The following ZMYND15 variants were observed in gnomAD, a reference collection of about 807,000 sequenced individuals.
ZMYND15 encodes the protein zinc finger MYND-type containing 15.
A neutral mutation model predicts 81.7 loss-of-function variants in ZMYND15; 54 were observed. The observed-to-expected ratio is 0.66, with a 90% CI of 0.53 to 0.83. The LOEUF is 0.83. ZMYND15 is among the 40% of genes least tolerant of loss of function. The pLI is 0.00. For synonymous variants in ZMYND15, 399 were observed against 387.0 expected (o/e 1.03, Z -0.36); for missense variants, 925 against 973.5 (o/e 0.95, Z 0.66).
rs143444568 is a variant in ZMYND15 at position 4,740,670 on chromosome 17, G to A, written c.122G>A (p.Arg41Gln). ...AVGTSLEGRC[R>Q]QLEAQIRRLP... ...GGGACTAGCCTTGAGGGCCGCTGCC[G>A]GCAGCTGGAGGCCCAGATCAGAAGG... is the stretch of plus-strand genomic sequence containing the variant. The change falls in exon 2 of 14, where the codon CGG (arginine) becomes CAG (glutamine). Residue 41 changes from arginine (R) to glutamine (Q), a missense_variant. Physicochemically the swap from Arg to Gln is conservative, Grantham distance 43. Coordinates refer to ENST00000433935, the MANE Select transcript of ZMYND15 (RefSeq NM_001136046.3). 5.6e-6 allele frequency: 9 copies of A among 1,614,048 alleles called. No homozygotes were observed. Among genetic ancestry groups the A allele is most frequent in the Middle Eastern group, 1.6e-4 (1 of 6,084 alleles).
chr17:4,741,726 C>G lies in ZMYND15; in HGVS notation c.737C>G (p.Ala246Gly). Residue 246 changes from alanine to glycine, a missense_variant, in exon 3 of 14, where the codon GCT (alanine) becomes GGT (glycine). By Grantham distance (60) the Ala-to-Gly change is moderately conservative. Coordinates refer to ENST00000433935, the MANE Select transcript of ZMYND15 (RefSeq NM_001136046.3). Reference protein sequence around the residue: ...GTKDLAPWAYALLCHSMACPM... With the variant: ...GTKDLAPWAYGLLCHSMACPM... The stretch of plus-strand genomic sequence containing the variant: ...AAGGACCTGGCTCCTTGGGCCTATG[C>G]TCTCCTCTGTCACAGCATGGCCTGT... 3 of 1,612,680 alleles carry G rather than the reference C, an allele frequency of 1.9e-6. No individual in the cohort carries two copies. The highest frequency in any genetic ancestry group is 2.5e-6 in the Non-Finnish European group (3 of 1,179,142).
Position 4,740,913 on chromosome 17 carries a change from A to T in ZMYND15, c.365A>T (p.Asp122Val). 1 of 1,582,608 alleles carries T rather than the reference A, an allele frequency of 6.3e-7. No homozygotes were observed. ...GEEGEEEEEE[D>V]EEEEKREDGG... ...GAAGGGGAGGAGGAAGAGGAGGAAG[A>T]TGAAGAAGAAGAGAAGAGAGAGGAC... is the stretch of plus-strand genomic sequence containing the variant. Residue 122 changes from aspartate to valine, a missense_variant, in exon 2 of 14, where the codon GAT becomes GTT. Physicochemically the swap from Asp to Val is radical, Grantham distance 152. Transcript: ENST00000433935.
In ZMYND15 at chr17:4,740,407, G is replaced by C; in HGVS notation, c.-30-112G>C. ...TCTTCTCCGCTCCTAGCATATCCAC[G>C]GATCCAACCCTAAGTGACTCTCAAA... is the stretch of plus-strand genomic sequence containing the variant. On this transcript the variant is annotated intron_variant, in intron 1 of 13. Transcript: ENST00000433935. The C allele has an allele frequency of 1.5e-6, 2 of 1,364,364 alleles. 1 individual carries two copies. The highest frequency in any genetic ancestry group is 5.5e-5 in the East Asian group (2 of 36,680). The allele number at this position is 1,364,364 out of a possible 1,614,324, so 84.5% of individuals were successfully genotyped here.
Position 4,741,783 on chromosome 17 carries a change from G to A in ZMYND15, c.794G>A (p.Arg265Gln), listed in dbSNP as rs140331305. ...PMGSGDPRKP[R>Q]QLTVGDARLH... ...GGCTCTGGGGATCCCCGAAAGCCCCGACAGCTTACTGTGGGAGATGCCCGG... is the reference window on the plus strand; with the variant it reads ...GGCTCTGGGGATCCCCGAAAGCCCCAACAGCTTACTGTGGGAGATGCCCGG... The change falls in exon 3 of 14, where the codon CGA (arginine) becomes CAA (glutamine). Residue 265 changes from arginine to glutamine, a missense_variant. Transcript: ENST00000433935. The A allele has an allele frequency of 6.4e-5, 101 of 1,580,100 alleles. No individual in the cohort carries two copies. In the South Asian group the frequency reaches 7.5e-4, roughly 12 times the overall value.
At position 4,745,740 on chromosome 17, in the gene ZMYND15, T is replaced by TGGGAGCCCCGACCCCA; in HGVS notation, c.2058-64_2058-63insAGGGAGCCCCGACCCC. ...GCCCCCTGGTCCCTGACCGCGCCCCTGGGAGCCCCGACCCCTGGGAGCGCC... is the reference window on the plus strand; with the variant it reads ...GCCCCCTGGTCCCTGACCGCGCCCCTGGGAGCCCCGACCCCAGGGAGCCCCGACCCCTGGGAGCGCC... On this transcript the variant is annotated intron_variant, in intron 13 of 13. Coordinates refer to ENST00000433935, the MANE Select transcript of ZMYND15 (RefSeq NM_001136046.3). This position sits in a 1 kb window ranked among gnomAD's most constrained non-coding sequence, Gnocchi z 5.2. 3.4e-6 allele frequency: 3 copies of TGGGAGCCCCGACCCCA among 885,430 alleles called. No individual in the cohort carries two copies. The highest frequency in any genetic ancestry group is 4.5e-6 in the Non-Finnish European group (3 of 674,140). 54.8% of individuals were successfully genotyped at this position (885,430 alleles called of 1,614,324 possible).
At position 4,740,291 on chromosome 17, in the gene ZMYND15, C is replaced by T. The variant is rs1916331486; in HGVS notation, c.-30-228C>T. ...TTTAAGCCCCAAATACCATCTCATC[C>T]CTGAGTAGTCTTCTCCAACCCTGGT... On this transcript the variant is annotated intron_variant, in intron 1 of 13. Coordinates refer to ENST00000433935, the MANE Select transcript of ZMYND15 (RefSeq NM_001136046.3). The T allele has an allele frequency of 5.4e-6, 4 of 740,234 alleles. No homozygotes were observed. The African/African-American group carries it at 5.4e-5, about 10-fold the overall frequency. The allele number at this position is 740,234 out of a possible 1,614,324, so 45.9% of individuals were successfully genotyped here.
intron 4 of ZMYND15, 114 bp from the exon 5 acceptor site, chr17:4,742,217 A>G: frequency 6.5e-7 from 1 of 1,530,508 alleles, no homozygotes; most frequent in Non-Finnish European, 8.9e-7. Context: ...ACAGGCGGTT[A>G]GAGGGTGTAA....
chr17:4,744,141 G>A lies in ZMYND15; in HGVS notation c.1495+34G>A. ...AGCGGAGTGGGGGGTGGAGCAGGATGGGGGAGTGAGAGTGGACCACATCCT... is the reference window on the plus strand; with the variant it reads ...AGCGGAGTGGGGGGTGGAGCAGGATAGGGGAGTGAGAGTGGACCACATCCT... On this transcript the variant is annotated intron_variant, in intron 8 of 13. Transcript: ENST00000433935. The surrounding 1 kb of genome is among the most constrained non-coding windows in gnomAD (Gnocchi z 4.1). 3 of 1,612,790 alleles carry A rather than the reference G, an allele frequency of 1.9e-6. No individual in the cohort carries two copies. Among genetic ancestry groups the A allele is most frequent in the Non-Finnish European group, 2.5e-6 (3 of 1,179,264 alleles).
chr17:4,740,439 C>G, intron 1 of ZMYND15, 80 bp from the exon 2 acceptor site: 1 of 1,427,788 alleles, frequency 7.0e-7, no homozygotes, highest in Non-Finnish European at 9.2e-7. Flanking sequence ...CAAACCTACC[C>G]TCTCCCTCAA....
chr17:4,740,370 C>G, intron 1 of ZMYND15, 149 bp from the exon 2 acceptor site: 1 of 1,288,058 alleles, frequency 7.8e-7, no homozygotes, highest in Non-Finnish European at 1.0e-6. Flanking sequence ...CATCCTCAGC[C>G]CTGAAAAATC....
In ZMYND15 at chr17:4,743,601, A is replaced by G. The variant is rs1396090132; in HGVS notation, c.1297+146A>G. 24 of 1,342,072 alleles carry G rather than the reference A, an allele frequency of 1.8e-5. No homozygotes were observed. The highest frequency in any genetic ancestry group is 7.0e-5 in the Admixed American group (3 of 42,862). 83.1% of individuals were successfully genotyped at this position (1,342,072 alleles called of 1,614,324 possible). ...CATTTCAGGCCTTTCCCAGCCCTCA[A>G]TGGAATCACCCCTACCAACTCCACC... On this transcript the variant is annotated intron_variant, in intron 6 of 13. Transcript: ENST00000433935. The surrounding 1 kb of genome is among the most constrained non-coding windows in gnomAD (Gnocchi z 4.3).
Position 4,740,980 on chromosome 17 carries a change from C to T in ZMYND15, c.432C>T (p.Asp144=), listed in dbSNP as rs199841852. The change falls in exon 2 of 14, where the codon GAC becomes GAT. Residue 144 remains aspartate, a synonymous_variant. Coordinates refer to ENST00000433935, the MANE Select transcript of ZMYND15 (RefSeq NM_001136046.3). The part of the protein sequence containing the change: ...GSTEKVEPEE[D]RELAPTSRES... ...CAGAGAAGGTGGAACCAGAGGAGGA[C>T]CGGGAGCTAGCCCCTACCAGCAGGG... 23 of 1,562,930 alleles carry T rather than the reference C, an allele frequency of 1.5e-5. No homozygotes were observed. Among genetic ancestry groups the T allele is most frequent in the Non-Finnish European group, 2.0e-5 (23 of 1,152,868 alleles).
Position 4,740,919 on chromosome 17 carries a change from AAGAAG to A in ZMYND15, c.380_384del (p.Lys127ArgfsTer70). ...GAGGAGGAAGAGGAGGAAGATGAAGAAGAAGAGAAGAGAGAGGACGGGGGTGCAGG... is the reference window on the plus strand; with the variant it reads ...GAGGAGGAAGAGGAGGAAGATGAAGAAGAAGAGAGAGGACGGGGGTGCAGG... On this transcript the variant is annotated frameshift_variant, in exon 2 of 14. Transcript: ENST00000433935. LOFTEE classifies it high-confidence loss of function. 2.5e-6 allele frequency: 4 copies of A among 1,581,380 alleles called. No homozygotes were observed. The highest frequency in any genetic ancestry group is 3.4e-6 in the Non-Finnish European group (4 of 1,161,262).
Position 4,745,428 on chromosome 17 carries a change from T to C in ZMYND15, c.2057+53T>C. The C allele has an allele frequency of 6.5e-7, 1 of 1,539,306 alleles. No individual in the cohort carries two copies. Among genetic ancestry groups the C allele is most frequent in the African/African-American group, 1.4e-5 (1 of 72,510 alleles). ...CTGACCCTTAACTTCTCTTACTCTC[T>C]GGCTCCACATCCTCGAAGGCCCACC... On this transcript the variant is annotated intron_variant, in intron 13 of 13. Transcript: ENST00000433935. The surrounding 1 kb of genome is among the most constrained non-coding windows in gnomAD (Gnocchi z 5.2).
intron 5 of ZMYND15, among the ~76,000 whole-genome samples, chr17:4,742,921 G>A (rs1916489987): frequency 6.6e-6 from 1 of 152,142 alleles, no homozygotes; most frequent in Non-Finnish European, 1.5e-5. Context: ...ACTGGAACCA[G>A]ACTTAGAACC....
At position 4,741,156 on chromosome 17, in the gene ZMYND15, T is replaced by C. The variant is rs1405990846; in HGVS notation, c.592+16T>C. On this transcript the variant is annotated intron_variant, in intron 2 of 13. Coordinates refer to ENST00000433935, the MANE Select transcript of ZMYND15 (RefSeq NM_001136046.3). ...CAGAGGAGTGGTAAGAACCCAGGGC[T>C]GGCCCTGCCCTACCCCTTGCCCAGC... The C allele has an allele frequency of 7.0e-7, 1 of 1,434,622 alleles. No individual in the cohort carries two copies. Among genetic ancestry groups the C allele is most frequent in the South Asian group, 1.6e-5 (1 of 64,358 alleles). The allele number at this position is 1,434,622 out of a possible 1,614,324, so 88.9% of individuals were successfully genotyped here.
In ZMYND15 at chr17:4,744,234, G is replaced by A. The variant is rs200017734; in HGVS notation, c.1540G>A (p.Val514Met). The A allele has an allele frequency of 6.6e-5, 106 of 1,614,100 alleles. No individual in the cohort carries two copies. In the East Asian group the frequency reaches 2.1e-3, roughly 31 times the overall value. ...IQNKQSLKIH[V>M]VEAGKEFDLV... ...AAACAAACAGTCACTGAAGATCCACGTGGTGGAGGCCGGGAAGGAGTTTGA... is the reference window on the plus strand; with the variant it reads ...AAACAAACAGTCACTGAAGATCCACATGGTGGAGGCCGGGAAGGAGTTTGA... Residue 514 changes from valine to methionine, a missense_variant, in exon 9 of 14, where the codon GTG (valine) becomes ATG (methionine). Val to Met is a conservative substitution (Grantham distance 21). Coordinates refer to ENST00000433935, the MANE Select transcript of ZMYND15 (RefSeq NM_001136046.3). The surrounding 1 kb of genome is among the most constrained non-coding windows in gnomAD (Gnocchi z 4.1).
Position 4,743,349 on chromosome 17 carries a change from G to A in ZMYND15, c.1191G>A (p.Arg397=). The A allele has an allele frequency of 6.2e-7, 1 of 1,614,046 alleles. No individual in the cohort carries two copies. The part of the protein sequence containing the change: ...TFNKEAFLAS[R]GLTRGYWTQL... ...ACAAAGAGGCCTTCCTGGCCTCTCGGGGCCTCACTCGTGGCTATTGGACCC... is the reference window on the plus strand; with the variant it reads ...ACAAAGAGGCCTTCCTGGCCTCTCGAGGCCTCACTCGTGGCTATTGGACCC... The change falls in exon 6 of 14, where the codon CGG becomes CGA. Residue 397 remains arginine (R), a synonymous_variant. Transcript: ENST00000433935. This position sits in a 1 kb window ranked among gnomAD's most constrained non-coding sequence, Gnocchi z 4.3.
At position 4,743,741 on chromosome 17, in the gene ZMYND15, G is replaced by A. The variant is rs1274569206; in HGVS notation, c.1298-26G>A. 4 of 1,606,564 alleles carry A rather than the reference G, an allele frequency of 2.5e-6. No homozygotes were observed. The Admixed American group carries it at 6.8e-5, about 27-fold the overall frequency. ...TCAGGTGGGGGTCTCCCTGACCCCA[G>A]GCCCCTCCTTCTTTCATCCTCTCAG... On this transcript the variant is annotated intron_variant, in intron 6 of 13. Transcript: ENST00000433935. This position sits in a 1 kb window ranked among gnomAD's most constrained non-coding sequence, Gnocchi z 4.3.
Sources: gnomAD v4.1 joint callset for allele counts (sites outside exome capture counted in the v4.1 genomes callset) on GRCh38, gnomAD v4.1.1 for gene constraint, Gnocchi (gnomAD v3.1) non-coding constraint, MANE v1.5 for transcripts, NCBI Gene and HGNC (gene_info 2026-07-23, HGNC 2026-07-21) for gene names.